The following GRAP2 variants were observed in gnomAD, a reference collection of about 807,000 sequenced individuals.
GRAP2 encodes the protein GRB2-related adapter protein 2.
A neutral mutation model predicts 43.5 loss-of-function variants in GRAP2; 31 were observed. That is an observed-to-expected ratio of 0.71 (90% confidence interval 0.54 to 0.96). The LOEUF (loss-of-function observed/expected upper bound fraction) is 0.96, where lower values mean the gene tolerates loss of function less well. Ranked by LOEUF, GRAP2 falls within the 40% of genes least tolerant of loss-of-function variation. The pLI is 0.00. For synonymous variants in GRAP2, 156 were observed against 164.8 expected, an observed-to-expected ratio of 0.95 and a Z score of 0.41; for missense variants, 371 against 424.4, an observed-to-expected ratio of 0.87 and a Z score of 1.11.
Position 39,971,079 on chromosome 22 carries a change from C to T in GRAP2, c.988C>T (p.Arg330Ter), listed in dbSNP as rs772467549. ...TGCCAACTACGTGGCACCCATGACC[C>T]GATAAACTCTTCAGGGGACAGAAGC... is the stretch of plus-strand genomic sequence containing the variant. ...FPANYVAPMT[R>*] Residue 330 changes from arginine (R) to a stop codon, truncating the protein, a stop_gained, in exon 8 of 8, where the codon CGA becomes TGA. Coordinates refer to ENST00000344138, the MANE Select transcript of GRAP2 (RefSeq NM_004810.4). LOFTEE classifies it high-confidence loss of function. 43 of 1,609,342 alleles carry T rather than the reference C, an allele frequency of 2.7e-5. No homozygotes were observed. Among genetic ancestry groups the T allele is most frequent in the Admixed American group, 3.4e-5 (2 of 58,636 alleles).
intron 5 of GRAP2, among the ~76,000 whole-genome samples, 162 bp from the exon 6 acceptor site, chr22:39,967,880 T>C (rs2067191016): frequency 6.6e-6 from 1 of 152,050 alleles, no homozygotes; most frequent in Non-Finnish European, 1.5e-5. Flanking sequence ...CTTTGGAAAA[T>C]GTGAAGGTCT....
intron 1 of GRAP2, among the ~76,000 whole-genome samples, chr22:39,934,885 A>G (rs1001670344): frequency 6.6e-6 from 1 of 152,186 alleles, no homozygotes; most frequent in Non-Finnish European, 1.5e-5. Context: ...AAAACAAAAG[A>G]AAACAAAAAA....
intron 1 of GRAP2, among the ~76,000 whole-genome samples, chr22:39,944,600 G>T (rs1042520295): frequency 1.3e-5 from 2 of 152,140 alleles, no homozygotes; most frequent in African/African-American, 4.8e-5. Flanking sequence ...TGGCTGTGTC[G>T]TTGGCTTTGC....
chr22:39,897,996 C>T (rs1347476764), upstream of GRAP2, among the ~76,000 whole-genome samples: 2 of 152,188 alleles, frequency 1.3e-5, no homozygotes, highest in East Asian at 1.9e-4. Context: ...CCAAAGGCCT[C>T]GCCATGGCAA....
chr22:39,954,832 T>C (rs144851199), intron 2 of GRAP2, among the ~76,000 whole-genome samples: 2 of 152,152 alleles, frequency 1.3e-5, no homozygotes, highest in East Asian at 1.9e-4. Context: ...ACAATAACAT[T>C]TGGGGTCACA....
At chr22:39,955,649 G>A (rs2067041559) in intron 2 of GRAP2, among the ~76,000 whole-genome samples, 170 bp from the exon 3 acceptor site, 2 of 152,238 alleles carry the variant, frequency 1.3e-5, no homozygotes, top group African/African-American at 4.8e-5. Context: ...GTAAACCCAC[G>A]GCTCCTCCAC....
chr22:39,933,394 G>A (rs947928579), intron 1 of GRAP2, among the ~76,000 whole-genome samples: 7 of 152,232 alleles, frequency 4.6e-5, no homozygotes, highest in African/African-American at 1.7e-4. Context: ...TGTTTGCATG[G>A]TGCAGGTGAT....
chr22:39,911,756 G>C (rs982686894), intron 1 of GRAP2, among the ~76,000 whole-genome samples: 6 of 152,034 alleles, frequency 3.9e-5, no homozygotes, highest in Admixed American at 2.0e-4. Flanking sequence ...AACCTTTCAC[G>C]TGATTTTTAA....
At chr22:39,957,777 T>A (rs1014508493) in intron 3 of GRAP2, among the ~76,000 whole-genome samples, 5 of 151,566 alleles carry the variant, frequency 3.3e-5, no homozygotes, top group African/African-American at 1.2e-4. Flanking sequence ...CTACAAAAAA[T>A]TTTTAAAAAT....
At chr22:39,940,879 A>G (rs1263700791) in intron 1 of GRAP2, among the ~76,000 whole-genome samples, 1 of 152,202 alleles carries the variant, frequency 6.6e-6, no homozygotes, top group East Asian at 1.9e-4. Flanking sequence ...AATGAAGACA[A>G]TCACCGAACC....
At chr22:39,968,541 G>T in intron 6 of GRAP2, 1 of 495,868 alleles carries the variant, frequency 2.0e-6, no homozygotes, top group Non-Finnish European at 3.5e-6. Flanking sequence ...TGAGGACCCA[G>T]TAAACAATTG....
chr22:39,921,755 G>A (rs1248315541), intron 1 of GRAP2, among the ~76,000 whole-genome samples: 1 of 152,052 alleles, frequency 6.6e-6, no homozygotes, highest in East Asian at 1.9e-4. Flanking sequence ...ATCATCTGTG[G>A]TCCATTAGCT....
chr22:39,910,249 C>G (rs1004817934), intron 1 of GRAP2, among the ~76,000 whole-genome samples: 1 of 152,086 alleles, frequency 6.6e-6, no homozygotes, highest in Non-Finnish European at 1.5e-5. Flanking sequence ...AGTTGCCTCC[C>G]TTGATCTGTA....
chr22:39,958,465 G>C (rs780228763), intron 3 of GRAP2, among the ~76,000 whole-genome samples: 1 of 152,182 alleles, frequency 6.6e-6, no homozygotes, highest in Non-Finnish European at 1.5e-5. Flanking sequence ...GAGGGCAGGG[G>C]TGTGTGTCTG....
chr22:39,899,498 C>T (rs967755751), upstream of GRAP2, among the ~76,000 whole-genome samples: 3 of 152,086 alleles, frequency 2.0e-5, no homozygotes, highest in African/African-American at 4.8e-5. Context: ...GTGTAATGAT[C>T]CAAGAAGGTC....
At chr22:39,899,307 A>T (rs2066477991), upstream of GRAP2, among the ~76,000 whole-genome samples, 1 of 152,178 alleles carries the variant, frequency 6.6e-6, no homozygotes, top group Admixed American at 6.5e-5. Context: ...TACAAGCTGA[A>T]AACACCATGA....
At chr22:39,904,559 G>A (rs1180021070) in intron 1 of GRAP2, among the ~76,000 whole-genome samples, 1 of 152,164 alleles carries the variant, frequency 6.6e-6, no homozygotes, top group Non-Finnish European at 1.5e-5. Flanking sequence ...GTAAGTTGCA[G>A]ATAAAATAAT....
At chr22:39,939,561 CAAAAAAAAAA>C (rs386395434) in intron 1 of GRAP2, among the ~76,000 whole-genome samples, 11 of 64,168 alleles carry the variant, frequency 1.7e-4, no homozygotes, top group Non-Finnish European at 3.1e-4. Context: ...GACTCCGTCT[CAAAAAAAAAA>C]AAAAAAAAAA....
In GRAP2 at chr22:39,966,782, G is replaced by A. The variant is rs936763601; in HGVS notation, c.459+624G>A. On this transcript the variant is annotated intron_variant, in intron 5 of 7. Transcript: ENST00000344138. ...CCTGGTATGAAATCCTGCTTTAATCGCTTAGCTACCTGTATTACCTAGCCA... is the reference window on the plus strand; with the variant it reads ...CCTGGTATGAAATCCTGCTTTAATCACTTAGCTACCTGTATTACCTAGCCA... Among the ~76,000 whole-genome samples, 6 of 152,236 alleles carry A rather than the reference G, an allele frequency of 3.9e-5. No individual in the cohort carries two copies. The East Asian group carries it at 7.7e-4, about 20-fold the overall frequency.
Sources: allele counts gnomAD v4.1 joint callset (sites outside exome capture counted in the v4.1 genomes callset), GRCh38; gene constraint gnomAD v4.1.1; transcripts MANE v1.5; gene names NCBI Gene and HGNC (gene_info 2026-07-23, HGNC 2026-07-21).